SYN3: variants seen among roughly 807,000 people sequenced by gnomAD.
SYN3 encodes synapsin III.
A neutral mutation model predicts 65.8 loss-of-function variants in SYN3; 35 were observed. The ratio of observed to expected loss-of-function variants is 0.53; its 90% CI spans 0.41 to 0.70. The LOEUF (loss-of-function observed/expected upper bound fraction) is 0.70, where lower values mean the gene tolerates loss of function less well. SYN3 is among the 30% of genes least tolerant of loss of function. The probability of loss-of-function intolerance (pLI) is 0.00; values close to 1 mark genes in which losing one functional copy is unlikely to be tolerated. For synonymous variants in SYN3, 270 were observed against 292.9 expected (o/e 0.92, Z 0.80); for missense variants, 680 against 749.0 (o/e 0.91, Z 1.08).
chr22:32,754,270 G>A lies in SYN3; in HGVS notation c.711+110645C>T, dbSNP rs568406847. 2.6e-4 allele frequency among the ~76,000 whole-genome samples: 39 copies of A among 152,218 alleles called. 1 individual carries two copies. The South Asian group carries it at 3.9e-3, about 15-fold the overall frequency. On this transcript the variant is annotated intron_variant, in intron 6 of 13. Transcript: ENST00000358763. ...GGGTTCAAGCGATTCTCCTGTCTCA[G>A]CCTCTCAAGTAGCTGGGATTACAGG... is the stretch of plus-strand genomic sequence containing the variant.
intron 1 of SYN3, among the ~76,000 whole-genome samples, chr22:33,053,047 T>A (rs1363549315): frequency 6.6e-6 from 1 of 152,212 alleles, no homozygotes; most frequent in African/African-American, 2.4e-5. Context: ...TTTTCATGTA[T>A]CCAACACTTT....
intron 6 of SYN3, among the ~76,000 whole-genome samples, chr22:32,776,034 G>A (rs2413153): frequency 0.078 from 11,805 of 152,122 alleles, 468 homozygotes; most frequent in African/African-American, 0.11. Flanking sequence ...ATCCTTATAC[G>A]AGGCAGGCAG....
intron 3 of SYN3, among the ~76,000 whole-genome samples, chr22:32,941,075 G>C (rs1316349950): frequency 6.6e-6 from 1 of 151,964 alleles, no homozygotes; most frequent in East Asian, 1.9e-4. Context: ...ACCTCTCAAA[G>C]ACCTCCTCAA....
chr22:32,947,260 A>G (rs898633434), intron 3 of SYN3, among the ~76,000 whole-genome samples: 1 of 152,126 alleles, frequency 6.6e-6, no homozygotes, highest in Non-Finnish European at 1.5e-5. Context: ...TTCTCAACCA[A>G]TGTCCCCTAA....
intron 3 of SYN3, among the ~76,000 whole-genome samples, chr22:32,959,038 C>CA (rs1187006251): frequency 6.6e-6 from 1 of 151,956 alleles, no homozygotes; most frequent in Non-Finnish European, 1.5e-5. Context: ...ACTAAAAATA[C>CA]AAAAAATAGT....
At chr22:32,851,924 T>C (rs1016048618) in intron 6 of SYN3, among the ~76,000 whole-genome samples, 1 of 152,148 alleles carries the variant, frequency 6.6e-6, no homozygotes, top group Non-Finnish European at 1.5e-5. Context: ...CTAGAAGTAA[T>C]AGTCCGTCCA....
At chr22:32,984,513 C>A (rs1479194744) in intron 2 of SYN3, among the ~76,000 whole-genome samples, 2 of 152,108 alleles carry the variant, frequency 1.3e-5, no homozygotes, top group African/African-American at 2.4e-5. Flanking sequence ...GAAAATGGAC[C>A]AAGGAATTGG....
chr22:33,006,370 T>C lies in SYN3; in HGVS notation c.293A>G (p.Asp98Gly), dbSNP rs758605821. 1.2e-6 allele frequency: 2 copies of C among 1,612,776 alleles called. No homozygotes were observed. Among genetic ancestry groups the C allele is most frequent in the Non-Finnish European group, 1.7e-6 (2 of 1,179,154 alleles). ...TACTTACCAGTCTGTATGGGCATCA[T>C]CGATCACCAACAGGATCCTGGGTCT... The part of the protein sequence containing the change: ...VQRPRILLVI[D>G]DAHTDWSKYF... The change falls in exon 2 of 14, where the codon GAT (aspartate) becomes GGT (glycine). Residue 98 changes from aspartate (D) to glycine (G), a missense_variant. Transcript: ENST00000358763.
chr22:33,023,405 G>C (rs188565228), intron 1 of SYN3, among the ~76,000 whole-genome samples: 1 of 152,306 alleles, frequency 6.6e-6, no homozygotes, highest in Admixed American at 6.5e-5. Flanking sequence ...ACATGCCTTT[G>C]CTCTTCCTTG....
chr22:32,753,815 C>G (rs1226914896), intron 6 of SYN3, among the ~76,000 whole-genome samples: 1 of 152,240 alleles, frequency 6.6e-6, no homozygotes, highest in African/African-American at 2.4e-5. Flanking sequence ...GGGGGGTCAC[C>G]CCAGGCCAGG....
At chr22:32,640,735 C>T (rs973010323) in intron 6 of SYN3, among the ~76,000 whole-genome samples, 3 of 152,010 alleles carry the variant, frequency 2.0e-5, no homozygotes, top group Non-Finnish European at 2.9e-5. Context: ...GGCGTGGTGG[C>T]GGGCGCCTGT....
chr22:32,542,834 T>C (rs1049017518), intron 7 of SYN3, among the ~76,000 whole-genome samples: 1 of 151,818 alleles, frequency 6.6e-6, no homozygotes, highest in Non-Finnish European at 1.5e-5. Context: ...TCTATGATAG[T>C]GATCTTAAGA....
At chr22:32,611,284 G>GTTTTTTTT (rs1201383074) in intron 6 of SYN3, among the ~76,000 whole-genome samples, 8 of 94,542 alleles carry the variant, frequency 8.5e-5, no homozygotes, top group Admixed American at 2.7e-4. Flanking sequence ...TTTTTTTTTT[G>GTTTTTTTT]TTTTTTTTTT....
intron 1 of SYN3, among the ~76,000 whole-genome samples, chr22:33,033,482 G>C (rs147145302): frequency 6.6e-6 from 1 of 151,988 alleles, no homozygotes; most frequent in African/African-American, 2.4e-5. Flanking sequence ...CCTTAACTAC[G>C]CACTTCTTCC....
At chr22:32,652,891 C>T (rs1282698756) in intron 6 of SYN3, among the ~76,000 whole-genome samples, 1 of 152,106 alleles carries the variant, frequency 6.6e-6, no homozygotes, top group Non-Finnish European at 1.5e-5. Context: ...GCTTAGGTGT[C>T]GAGGAAAAGA....
At chr22:32,555,666 T>C (rs2058484416) in intron 7 of SYN3, among the ~76,000 whole-genome samples, 1 of 152,216 alleles carries the variant, frequency 6.6e-6, no homozygotes, top group Non-Finnish European at 1.5e-5. Flanking sequence ...CTGTGGCCTT[T>C]CTTTCTGGCA....
chr22:32,723,607 G>A (rs945557030), intron 6 of SYN3, among the ~76,000 whole-genome samples: 7 of 152,326 alleles, frequency 4.6e-5, no homozygotes, highest in African/African-American at 1.4e-4. Context: ...TTCAGGAGAT[G>A]AACTTCCAAG....
chr22:32,857,432 A>G, intron 6 of SYN3: 2 of 1,146,032 alleles, frequency 1.7e-6, no homozygotes. Flanking sequence ...AGAAGAACAC[A>G]TACGGAGTAG....
intron 4 of SYN3, among the ~76,000 whole-genome samples, chr22:32,891,025 C>T (rs1005675491): frequency 2.0e-5 from 3 of 152,192 alleles, no homozygotes; most frequent in African/African-American, 7.2e-5. Context: ...CCACAATCAC[C>T]TCCCACCTCT....
Sources: allele counts gnomAD v4.1 joint callset (sites outside exome capture counted in the v4.1 genomes callset), GRCh38; gene constraint gnomAD v4.1.1; transcripts MANE v1.5; gene names NCBI Gene and HGNC (gene_info 2026-07-23, HGNC 2026-07-21).